EXD2: variants seen among roughly 807,000 people sequenced by gnomAD.
The protein encoded by EXD2 is exonuclease 3'-5' domain-containing protein 2.
EXD2 carries 40 observed loss-of-function variants against 62.5 expected under a neutral mutation model. That is an observed-to-expected ratio of 0.64 (90% CI 0.50 to 0.83). The LOEUF is 0.83. Among genes scored for constraint, EXD2 ranks in the 40% least tolerant of loss-of-function variants. EXD2 has a pLI of 0.00. For missense variants in EXD2, 671 were observed against 761.8 expected, an observed-to-expected ratio of 0.88 and a Z score of 1.40; for synonymous variants, 239 against 291.9, an observed-to-expected ratio of 0.82 and a Z score of 1.85.
At chr14:69,198,888 GGTAA>G (rs934767097) in intron 1 of EXD2, among the ~76,000 whole-genome samples, 49 of 152,284 alleles carry the variant, frequency 3.2e-4, no homozygotes, top group Admixed American at 1.4e-3. Context: ...GTAACACAGT[GGTAA>G]GTATTTGTGT....
chr14:69,221,069 A>G (rs1025390860), intron 3 of EXD2, among the ~76,000 whole-genome samples: 2 of 151,982 alleles, frequency 1.3e-5, no homozygotes, highest in African/African-American at 4.8e-5. Flanking sequence ...GAGTCTTGCC[A>G]TGTTGTCCAG....
chr14:69,242,303 G>A lies in EXD2; in HGVS notation c.*1203G>A, dbSNP rs1458241927. 8.7e-6 allele frequency: 3 copies of A among 343,740 alleles called. No individual in the cohort carries two copies. The highest frequency in any genetic ancestry group is 1.6e-5 in the Non-Finnish European group (3 of 193,306). The allele number at this position is 343,740 out of a possible 1,614,324, so 21.3% of individuals were successfully genotyped here. A position where few individuals can be genotyped will look rare whatever the true frequency, so the allele number is the denominator to read the frequency against. ...AACAAGAGCTCTATTTTGGAATTGT[G>A]CCCAAGTTGGTGATGTTTACTCTAA... is the stretch of plus-strand genomic sequence containing the variant. On this transcript the variant is annotated 3_prime_UTR_variant, in exon 10 of 10. Transcript: ENST00000685843.
rs1206900417 is a variant in EXD2 at position 69,236,399 on chromosome 14, C to T, written c.1157-8C>T. On this transcript the variant is annotated splice_region_variant and splice_polypyrimidine_tract_variant and intron_variant, in intron 7 of 9. Transcript: ENST00000685843. Reference sequence around the variant, plus strand: ...GAGCAGTCAAACACTGATGTCTCTTCTCTTAAGAGCTGGTGAGTGAAGAGC... The same window carrying T: ...GAGCAGTCAAACACTGATGTCTCTTTTCTTAAGAGCTGGTGAGTGAAGAGC... 6.2e-7 allele frequency: 1 copy of T among 1,613,976 alleles called. No individual in the cohort carries two copies.
chr14:69,206,632 C>T (rs2042615267), intron 2 of EXD2, among the ~76,000 whole-genome samples: 1 of 151,924 alleles, frequency 6.6e-6, no homozygotes, highest in South Asian at 2.1e-4. Flanking sequence ...AGGCATGTGC[C>T]ACCACGCCCA....
intron 3 of EXD2, among the ~76,000 whole-genome samples, chr14:69,215,381 G>T: frequency 6.6e-6 from 1 of 151,950 alleles, no homozygotes; most frequent in East Asian, 1.9e-4. Context: ...AAAGAATGGT[G>T]CAATTGAACA....
intron 3 of EXD2, among the ~76,000 whole-genome samples, chr14:69,227,090 A>C (rs1490364706): frequency 6.6e-6 from 1 of 152,194 alleles, no homozygotes; most frequent in Non-Finnish European, 1.5e-5. Flanking sequence ...GCCCTAGAGC[A>C]GAGTTTCTCA....
At chr14:69,220,251 CTG>C (rs2043123828) in intron 3 of EXD2, among the ~76,000 whole-genome samples, 1 of 60,602 alleles carries the variant, frequency 1.7e-5, no homozygotes, top group African/African-American at 7.0e-5. Context: ...TTTTGTCTCT[CTG>C]TTTTTTTTTT....
chr14:69,194,720 T>G (rs2042142285), intron 1 of EXD2, among the ~76,000 whole-genome samples: 1 of 152,206 alleles, frequency 6.6e-6, no homozygotes, highest in Admixed American at 6.5e-5. Flanking sequence ...TCTATTTTGC[T>G]GGACCAATAC....
rs989628678 is a variant in EXD2 at position 69,241,221 on chromosome 14, A to C, written c.*121A>C. On this transcript the variant is annotated 3_prime_UTR_variant, in exon 10 of 10. Transcript: ENST00000685843. ...CTGTGTGACACAACTCAGAATACTAACCTAGACTAATCCCAGGATGCTTCT... is the reference window on the plus strand; with the variant it reads ...CTGTGTGACACAACTCAGAATACTACCCTAGACTAATCCCAGGATGCTTCT... 6.8e-6 allele frequency: 5 copies of C among 731,470 alleles called. No homozygotes were observed. The allele number at this position is 731,470 out of a possible 1,614,324, so 45.3% of individuals were successfully genotyped here.
chr14:69,237,974 C>G (rs2043857142), intron 9 of EXD2, 43 bp downstream of exon 9: 1 of 1,490,578 alleles, frequency 6.7e-7, no homozygotes, highest in Non-Finnish European at 9.0e-7. Flanking sequence ...GGACATTAAC[C>G]CTCATTACTT....
At chr14:69,226,485 C>T (rs370380411) in intron 3 of EXD2, among the ~76,000 whole-genome samples, 1 of 152,150 alleles carries the variant, frequency 6.6e-6, no homozygotes, top group Non-Finnish European at 1.5e-5. Context: ...TGGTATCTCA[C>T]GCCTGTAATC....
chr14:69,201,691 T>A (rs2042409308), intron 1 of EXD2, among the ~76,000 whole-genome samples: 1 of 140,722 alleles, frequency 7.1e-6, no homozygotes, highest in Non-Finnish European at 1.5e-5. Flanking sequence ...TTTTTTTTTT[T>A]TTTTTTTTTG....
At chr14:69,233,792 G>T (rs1334786049) in intron 5 of EXD2, among the ~76,000 whole-genome samples, 4 of 144,122 alleles carry the variant, frequency 2.8e-5, no homozygotes, top group Non-Finnish European at 6.0e-5. Flanking sequence ...TTGAGATAGA[G>T]TCCTGTTCTG....
At chr14:69,199,432 T>A (rs553192632) in intron 1 of EXD2, among the ~76,000 whole-genome samples, 2 of 152,294 alleles carry the variant, frequency 1.3e-5, no homozygotes, top group South Asian at 2.1e-4. Flanking sequence ...TTATTTAAAA[T>A]TTTTTTGGAA....
At chr14:69,234,198 TG>T (rs1226816719) in intron 5 of EXD2, among the ~76,000 whole-genome samples, 4 of 152,196 alleles carry the variant, frequency 2.6e-5, no homozygotes, top group South Asian at 2.1e-4. Context: ...GAAACCTATT[TG>T]TTTTTTTTGT....
intron 1 of EXD2, chr14:69,192,191 C>T (rs1030681211): frequency 1.3e-5 from 2 of 152,134 alleles, no homozygotes; most frequent in African/African-American, 4.8e-5. Context: ...GACATCTGCT[C>T]CTTAAAATAC....
At chr14:69,219,811 ATTTT>A (rs914514430) in intron 3 of EXD2, among the ~76,000 whole-genome samples, 1 of 151,888 alleles carries the variant, frequency 6.6e-6, no homozygotes, top group African/African-American at 2.4e-5. Flanking sequence ...CGTCCTTGTC[ATTTT>A]TTCTTTCTTT....
rs2044033151 is a variant in EXD2 at position 69,243,455 on chromosome 14, C to T, written c.*2355C>T. Reference sequence around the variant, plus strand: ...TCATACATAGATACAGGTTGGTATCCTAACTTTACCCTCTCACTGATTAAC... The same window carrying T: ...TCATACATAGATACAGGTTGGTATCTTAACTTTACCCTCTCACTGATTAAC... On this transcript the variant is annotated 3_prime_UTR_variant, in exon 10 of 10. Coordinates refer to ENST00000685843, the MANE Select transcript of EXD2 (RefSeq NM_001193360.2). The T allele has an allele frequency of 6.6e-6, 1 of 152,124 alleles. No homozygotes were observed. Among genetic ancestry groups the T allele is most frequent in the Admixed American group, 6.5e-5 (1 of 15,272 alleles). 9.4% of individuals were successfully genotyped at this position (152,124 alleles called of 1,614,324 possible).
chr14:69,234,233 T>C (rs2043691135), intron 5 of EXD2, among the ~76,000 whole-genome samples: 1 of 152,216 alleles, frequency 6.6e-6, no homozygotes, highest in Admixed American at 6.5e-5. Flanking sequence ...TTAATAGATA[T>C]GGCAGTTCAT....
Sources: allele counts gnomAD v4.1 joint callset (sites outside exome capture counted in the v4.1 genomes callset), GRCh38; gene constraint gnomAD v4.1.1; transcripts MANE v1.5; gene names NCBI Gene and HGNC (gene_info 2026-07-23, HGNC 2026-07-21).